CHODL: variants seen among roughly 807,000 people sequenced by gnomAD.
CHODL encodes the protein chondrolectin.
A neutral mutation model predicts 34.5 loss-of-function variants in CHODL; 29 were observed. The ratio of observed to expected loss-of-function variants is 0.84; its 90% CI spans 0.63 to 1.15. CHODL has a LOEUF of 1.15. Ranked by LOEUF, CHODL falls within the 50% of genes most tolerant of loss-of-function variation. The pLI is 0.00. For synonymous variants in CHODL, 125 were observed against 116.1 expected, an observed-to-expected ratio of 1.08 and a Z score of -0.49; for missense variants, 332 against 332.5, an observed-to-expected ratio of 1.00 and a Z score of 0.01.
chr21:18,239,918 G>GA (rs1403322369), upstream of CHODL, among the ~76,000 whole-genome samples: 2 of 151,530 alleles, frequency 1.3e-5, no homozygotes, highest in African/African-American at 4.8e-5. Context: ...ATTTTTATAG[G>GA]AAAAAATAGA....
chr21:18,163,432 A>G (rs1229360634), intron 2 of CHODL, among the ~76,000 whole-genome samples: 2 of 152,156 alleles, frequency 1.3e-5, no homozygotes, highest in African/African-American at 4.8e-5. Context: ...GATTTTTTCA[A>G]TTGCCTTTTT....
At chr21:17,921,849 A>G (rs1006567416) in intron 1 of CHODL, among the ~76,000 whole-genome samples, 3 of 152,246 alleles carry the variant, frequency 2.0e-5, no homozygotes, top group African/African-American at 7.2e-5. Flanking sequence ...GCATGTGGAC[A>G]GCAGATGTTT....
At chr21:18,113,416 T>C (rs2065375557) in intron 2 of CHODL, among the ~76,000 whole-genome samples, 1 of 152,176 alleles carries the variant, frequency 6.6e-6, no homozygotes, top group African/African-American at 2.4e-5. Context: ...TAAAAATAAC[T>C]ACCTGAGATT....
At chr21:18,219,799 T>C (rs552127823) in intron 2 of CHODL, among the ~76,000 whole-genome samples, 10 of 152,148 alleles carry the variant, frequency 6.6e-5, no homozygotes, top group African/African-American at 2.2e-4. Context: ...TGCTGATGCA[T>C]TATTTGAGTT....
At chr21:18,017,818 C>A (rs1043743540) in intron 1 of CHODL, among the ~76,000 whole-genome samples, 7 of 152,218 alleles carry the variant, frequency 4.6e-5, no homozygotes, top group African/African-American at 1.7e-4. Flanking sequence ...TTGCACCCTG[C>A]ACCTAGAAAA....
At chr21:18,022,736 G>T (rs2064139351) in intron 1 of CHODL, among the ~76,000 whole-genome samples, 2 of 152,130 alleles carry the variant, frequency 1.3e-5, no homozygotes, top group Non-Finnish European at 2.9e-5. Context: ...CTTTTGTCAT[G>T]GGAATGCTTT....
chr21:18,203,614 A>G (rs1245239672), intron 2 of CHODL, among the ~76,000 whole-genome samples: 6 of 152,150 alleles, frequency 3.9e-5, no homozygotes, highest in Admixed American at 3.9e-4. Context: ...GTTTTTCACC[A>G]CAAGAGTATT....
chr21:18,208,037 A>G (rs1436441295), intron 2 of CHODL, among the ~76,000 whole-genome samples: 1 of 152,034 alleles, frequency 6.6e-6, no homozygotes, highest in Non-Finnish European at 1.5e-5. Context: ...TATCCTTTTG[A>G]ATAAACTTTC....
At chr21:18,174,098 G>GAGATATATATATATATCTTGGTGTAT (rs1568922980) in intron 2 of CHODL, among the ~76,000 whole-genome samples, 1 of 94,804 alleles carries the variant, frequency 1.1e-5, no homozygotes, top group Non-Finnish European at 2.4e-5. Flanking sequence ...ACAAATACAG[G>GAGATATATATATATATCTTGGTGTAT]ATATATATAT....
At chr21:18,051,942 A>T (rs1003719781) in intron 2 of CHODL, among the ~76,000 whole-genome samples, 2 of 151,998 alleles carry the variant, frequency 1.3e-5, no homozygotes, top group Non-Finnish European at 2.9e-5. Flanking sequence ...TGCACATGAA[A>T]AGGCAAAACA....
chr21:18,179,181 T>C (rs1167639233), intron 2 of CHODL, among the ~76,000 whole-genome samples: 1 of 152,142 alleles, frequency 6.6e-6, no homozygotes, highest in Non-Finnish European at 1.5e-5. Context: ...GGTGCAGGAC[T>C]TACCCATTTG....
chr21:18,045,465 T>G (rs2064430334), intron 2 of CHODL, among the ~76,000 whole-genome samples: 1 of 151,914 alleles, frequency 6.6e-6, no homozygotes, highest in Non-Finnish European at 1.5e-5. Flanking sequence ...AGGTACAGAT[T>G]GGAGTTCAGT....
At chr21:18,048,200 C>T (rs1443664356) in intron 2 of CHODL, among the ~76,000 whole-genome samples, 1 of 151,870 alleles carries the variant, frequency 6.6e-6, no homozygotes, top group Non-Finnish European at 1.5e-5. Flanking sequence ...AATTGATTTG[C>T]TTTTCTCAAA....
chr21:18,026,537 C>A (rs938207990), intron 1 of CHODL, among the ~76,000 whole-genome samples: 1 of 152,132 alleles, frequency 6.6e-6, no homozygotes, highest in Non-Finnish European at 1.5e-5. Context: ...AGCCTGTTTT[C>A]ATCAAACTAA....
intron 1 of CHODL, among the ~76,000 whole-genome samples, chr21:17,920,064 T>C (rs906578962): frequency 6.6e-6 from 1 of 152,190 alleles, no homozygotes; most frequent in Non-Finnish European, 1.5e-5. Context: ...TTCAAAGCCA[T>C]TCAACAAGTC....
chr21:17,924,418 A>G (rs1034768339), intron 1 of CHODL, among the ~76,000 whole-genome samples: 4 of 152,298 alleles, frequency 2.6e-5, no homozygotes, highest in Admixed American at 2.6e-4. Context: ...TCAGCCTTGG[A>G]GACCGGAGAG....
intron 2 of CHODL, among the ~76,000 whole-genome samples, chr21:18,198,248 A>G (rs1300789813): frequency 6.6e-6 from 1 of 152,186 alleles, no homozygotes; most frequent in East Asian, 1.9e-4. Context: ...ACATTCTGTT[A>G]ATCTTGATAA....
At chr21:18,128,183 C>A (rs1290532978) in intron 2 of CHODL, among the ~76,000 whole-genome samples, 1 of 150,722 alleles carries the variant, frequency 6.6e-6, no homozygotes, top group Non-Finnish European at 1.5e-5. Flanking sequence ...CGCCTGTAGT[C>A]CCGGCTACTA....
At chr21:18,041,434 CTATT>C (rs1225034928) in intron 2 of CHODL, among the ~76,000 whole-genome samples, 3 of 151,490 alleles carry the variant, frequency 2.0e-5, no homozygotes, top group African/African-American at 7.3e-5. Flanking sequence ...CAAACAATAG[CTATT>C]TTTTTTTAAA....
Sources: allele counts gnomAD v4.1 joint callset (sites outside exome capture counted in the v4.1 genomes callset), GRCh38; gene constraint gnomAD v4.1.1; transcripts MANE v1.5; gene names NCBI Gene and HGNC (gene_info 2026-07-23, HGNC 2026-07-21).